GAS7: variants seen among roughly 807,000 people sequenced by gnomAD.
GAS7 encodes the protein growth arrest-specific protein 7.
Under a neutral mutation model 71.1 loss-of-function variants are expected in GAS7, and 28 were observed. The observed-to-expected ratio is 0.39, with a 90% CI of 0.29 to 0.54. GAS7 has a LOEUF of 0.54. Among genes scored for constraint, GAS7 ranks in the 20% least tolerant of loss-of-function variants. The pLI, the probability that GAS7 is intolerant of heterozygous loss-of-function variation, is 0.62. For synonymous variants in GAS7, 258 were observed against 245.8 expected (o/e 1.05, Z -0.46); for missense variants, 436 against 627.8 (o/e 0.69, Z 3.27).
chr17:10,052,359 G>A (rs2074650754), intron 1 of GAS7, among the ~76,000 whole-genome samples: 1 of 152,212 alleles, frequency 6.6e-6, no homozygotes, highest in Non-Finnish European at 1.5e-5. Flanking sequence ...TCAGGTAGAA[G>A]GTAACAGGAG....
At chr17:10,153,603 G>A (rs147258647) in intron 1 of GAS7, among the ~76,000 whole-genome samples, 153 of 151,726 alleles carry the variant, frequency 1.0e-3, no homozygotes, top group Admixed American at 1.6e-3. Context: ...ATGAGTAGAA[G>A]AATAAAATAA....
At position 9,981,601 on chromosome 17, in the gene GAS7, G is replaced by A. The variant is rs1047044468; in HGVS notation, c.385+203C>T. Reference sequence around the variant, plus strand: ...AGCGCCTGAGGAGGAGTGTGCAGGAGGCCACCAGAGCTGCTGCTGGCACTG... The same window carrying A: ...AGCGCCTGAGGAGGAGTGTGCAGGAAGCCACCAGAGCTGCTGCTGGCACTG... On this transcript the variant is annotated intron_variant, in intron 3 of 13. Transcript: ENST00000432992. The surrounding 1 kb of genome is among the most constrained non-coding windows in gnomAD (Gnocchi z 4.4). Among the ~76,000 whole-genome samples, 6 of 152,108 alleles carry A rather than the reference G, an allele frequency of 3.9e-5. No individual in the cohort carries two copies. The highest frequency in any genetic ancestry group is 1.4e-4 in the African/African-American group (6 of 41,442).
chr17:9,949,392 T>C (rs2068914467), intron 5 of GAS7, among the ~76,000 whole-genome samples: 1 of 152,116 alleles, frequency 6.6e-6, no homozygotes, highest in South Asian at 2.1e-4. Flanking sequence ...AAAACAATAA[T>C]AATAAACACA....
At chr17:10,037,356 C>G (rs1045112879) in intron 1 of GAS7, among the ~76,000 whole-genome samples, 1 of 152,168 alleles carries the variant, frequency 6.6e-6, no homozygotes, top group African/African-American at 2.4e-5. Context: ...GTTTTTGGAG[C>G]AGCTGACTAT....
chr17:10,144,477 C>T (rs1247764778), intron 1 of GAS7, among the ~76,000 whole-genome samples: 2 of 152,158 alleles, frequency 1.3e-5, no homozygotes, highest in African/African-American at 4.8e-5. Context: ...TCGGCAGATC[C>T]CCAGTATCAG....
At position 10,000,711 on chromosome 17, in the gene GAS7, A is replaced by G. The variant is rs117318017; in HGVS notation, c.305-18827T>C. On this transcript the variant is annotated intron_variant, in intron 2 of 13. Transcript: ENST00000432992. ...GTTATAAGAATCTACTCTTCATACG[A>G]AAGAGTGGAGCCAGCTAGGTGGGAT... 3.5e-3 allele frequency among the ~76,000 whole-genome samples: 535 copies of G among 152,316 alleles called. 1 individual carries two copies. Among genetic ancestry groups the G allele is most frequent in the Non-Finnish European group, 5.9e-3 (401 of 68,024 alleles).
intron 1 of GAS7, among the ~76,000 whole-genome samples, chr17:10,176,963 T>TA (rs2074378036): frequency 6.6e-6 from 1 of 152,184 alleles, no homozygotes; most frequent in Non-Finnish European, 1.5e-5. Flanking sequence ...ATCAAATACT[T>TA]ACTGAGCCAG....
intron 1 of GAS7, among the ~76,000 whole-genome samples, chr17:10,130,890 T>C (rs1399359702): frequency 6.6e-6 from 1 of 152,238 alleles, no homozygotes; most frequent in African/African-American, 2.4e-5. Flanking sequence ...GGGAATGGCA[T>C]TGCTTTTTGA....
In GAS7 at chr17:10,026,131, G is replaced by C. The variant is rs1185165732; in HGVS notation, c.184-6234C>G. The C allele has an allele frequency of 1.0e-6, 1 of 983,518 alleles. No individual in the cohort carries two copies. The highest frequency in any genetic ancestry group is 1.8e-5 in the African/African-American group (1 of 56,888). The allele number at this position is 983,518 out of a possible 1,614,324, so 60.9% of individuals were successfully genotyped here. ...ACTCTCTCCCCCTCCGGAGGTTTCT[G>C]AGAACACCTGACTCTTACCTTATCC... is the stretch of plus-strand genomic sequence containing the variant. On this transcript the variant is annotated intron_variant, in intron 1 of 13. Coordinates refer to ENST00000432992, the MANE Select transcript of GAS7 (RefSeq NM_201433.2). The surrounding 1 kb of genome is among the most constrained non-coding windows in gnomAD (Gnocchi z 4.5).
chr17:10,182,015 C>G (rs536398558), intron 1 of GAS7, among the ~76,000 whole-genome samples: 18 of 152,250 alleles, frequency 1.2e-4, no homozygotes, highest in African/African-American at 3.6e-4. Context: ...GGGAAGGAAC[C>G]CTCAGTTCCC....
At chr17:10,032,122 A>AAC (rs2072636605) in intron 1 of GAS7, among the ~76,000 whole-genome samples, 1 of 151,796 alleles carries the variant, frequency 6.6e-6, no homozygotes, top group African/African-American at 2.4e-5. Context: ...AAAAAAAAAA[A>AAC]AAAAAAAACC....
chr17:10,127,188 C>A (rs1455763981), intron 1 of GAS7, among the ~76,000 whole-genome samples: 1 of 152,112 alleles, frequency 6.6e-6, no homozygotes, highest in East Asian at 1.9e-4. Flanking sequence ...GTTAGTTTAA[C>A]CTTCCACGGC....
chr17:10,116,466 T>C (rs573007972), intron 1 of GAS7, among the ~76,000 whole-genome samples: 2 of 151,802 alleles, frequency 1.3e-5, no homozygotes, highest in Non-Finnish European at 1.5e-5. Flanking sequence ...TGAAGAAGAG[T>C]GCCCTGGGCT....
intron 4 of GAS7, among the ~76,000 whole-genome samples, chr17:9,963,053 A>AC (rs1555605776): frequency 1.3e-5 from 2 of 150,846 alleles, no homozygotes; most frequent in African/African-American, 4.9e-5. Context: ...AAAAAAAAAA[A>AC]GAAAAAAAGG....
At chr17:10,127,778 T>A (rs1016786971) in intron 1 of GAS7, among the ~76,000 whole-genome samples, 1 of 152,022 alleles carries the variant, frequency 6.6e-6, no homozygotes. Flanking sequence ...CCAGGCGAAG[T>A]GGACTAGGAG....
intron 1 of GAS7, among the ~76,000 whole-genome samples, chr17:10,041,490 C>T (rs983610344): frequency 6.6e-5 from 10 of 152,320 alleles, no homozygotes; most frequent in South Asian, 2.1e-4. Flanking sequence ...GGGACCTTTC[C>T]GGGCCATTAC....
intron 6 of GAS7, among the ~76,000 whole-genome samples, chr17:9,944,231 G>A (rs2068709983): frequency 1.3e-5 from 2 of 152,234 alleles, no homozygotes; most frequent in Admixed American, 1.3e-4. Context: ...CCAGCTCCCA[G>A]GGCCATCCCA....
intron 1 of GAS7, among the ~76,000 whole-genome samples, chr17:10,175,421 G>A (rs1376205551): frequency 1.3e-5 from 2 of 152,008 alleles, no homozygotes; most frequent in Non-Finnish European, 2.9e-5. Context: ...TCTAGAAGCT[G>A]GGAATCCAAG....
chr17:9,986,215 G>C (rs541129271), intron 2 of GAS7, among the ~76,000 whole-genome samples: 2 of 152,280 alleles, frequency 1.3e-5, no homozygotes, highest in South Asian at 2.1e-4. Context: ...AAACAGCAGG[G>C]AAAAGGTCCC....
Sources: gnomAD v4.1 joint callset for allele counts (sites outside exome capture counted in the v4.1 genomes callset) on GRCh38, gnomAD v4.1.1 for gene constraint, Gnocchi (gnomAD v3.1) non-coding constraint, MANE v1.5 for transcripts, NCBI Gene and HGNC (gene_info 2026-07-23, HGNC 2026-07-21) for gene names.